Variants in FBRSL1 observed in about 807,000 individuals in gnomAD.
FBRSL1 encodes fibrosin-1-like protein.
Under a neutral mutation model 89.6 loss-of-function variants are expected in FBRSL1, and 51 were observed. The ratio of observed to expected loss-of-function variants is 0.57; its 90% CI spans 0.45 to 0.72. The LOEUF (loss-of-function observed/expected upper bound fraction) is 0.72. Among genes scored for constraint, FBRSL1 ranks in the 30% least tolerant of loss-of-function variants. The probability of loss-of-function intolerance (pLI) is 0.00; values close to 1 mark genes in which losing one functional copy is unlikely to be tolerated. For synonymous variants in FBRSL1, 779 were observed against 681.1 expected, an observed-to-expected ratio of 1.14 and a Z score of -2.24; for missense variants, 1,618 against 1,451.8, an observed-to-expected ratio of 1.11 and a Z score of -1.86.
At chr12:132,577,858 T>A (rs957713349) in intron 15 of FBRSL1, among the ~76,000 whole-genome samples, 1 of 152,232 alleles carries the variant, frequency 6.6e-6, no homozygotes, top group African/African-American at 2.4e-5. Context: ...CACAGACCTT[T>A]CCAAAGATGG....
At chr12:132,548,152 C>T (rs898290151) in intron 5 of FBRSL1, 120 bp downstream of exon 5, 23 of 1,255,612 alleles carry the variant, frequency 1.8e-5, no homozygotes, top group East Asian at 5.1e-5. Context: ...GGGATCCCCC[C>T]GCCCGGTGGG....
In FBRSL1 at chr12:132,499,468, A is replaced by G. The variant is rs1302485468; in HGVS notation, c.291+8607A>G. ...GTGCCAGGCCCTGGGCCGGCCCCCA[A>G]GATACACCCACAGGCCCCATTGCCA... On this transcript the variant is annotated intron_variant, in intron 1 of 18. Coordinates refer to ENST00000680143, the MANE Select transcript of FBRSL1 (RefSeq NM_001367871.1). The surrounding 1 kb of genome is among the most constrained non-coding windows in gnomAD (Gnocchi z 4.3). Among the ~76,000 whole-genome samples, 1 of 152,248 alleles carries G rather than the reference A, an allele frequency of 6.6e-6. No homozygotes were observed. Among genetic ancestry groups the G allele is most frequent in the Non-Finnish European group, 1.5e-5 (1 of 68,042 alleles).
rs555262541 is a variant in FBRSL1 at position 132,575,321 on chromosome 12, G to A, written c.1701+757G>A. Among the ~76,000 whole-genome samples the A allele has an allele frequency of 3.4e-4, 52 of 152,280 alleles. 1 individual carries two copies. In the East Asian group the frequency reaches 9.1e-3, roughly 27 times the overall value. Reference sequence around the variant, plus strand: ...CGGCTCACTGCAAGCTCCGCCTCCCGGGTTCACGCCATTCTCCTACCTCGG... The same window carrying A: ...CGGCTCACTGCAAGCTCCGCCTCCCAGGTTCACGCCATTCTCCTACCTCGG... On this transcript the variant is annotated intron_variant, in intron 14 of 18. Coordinates refer to ENST00000680143, the MANE Select transcript of FBRSL1 (RefSeq NM_001367871.1).
At chr12:132,582,396 C>T (rs1333475524) in intron 18 of FBRSL1, 130 bp downstream of exon 18, 11 of 629,704 alleles carry the variant, frequency 1.7e-5, no homozygotes, top group Non-Finnish European at 3.1e-5. Context: ...CGTTCCCCCT[C>T]CCCCTGTTCC....
chr12:132,498,729 G>T (rs918590262), intron 1 of FBRSL1, among the ~76,000 whole-genome samples: 1 of 152,246 alleles, frequency 6.6e-6, no homozygotes, highest in Non-Finnish European at 1.5e-5. Flanking sequence ...GCTGGGTGGG[G>T]CTGTGCTTGG....
intron 2 of FBRSL1, chr12:132,509,287 C>T (rs868021200): frequency 2.0e-5 from 25 of 1,252,938 alleles, no homozygotes; most frequent in Admixed American, 8.4e-5. Context: ...CTCCCAGCCC[C>T]GTCGGCACTC....
intron 5 of FBRSL1, among the ~76,000 whole-genome samples, chr12:132,557,898 A>G (rs1387013194): frequency 6.6e-6 from 1 of 152,264 alleles, no homozygotes; most frequent in East Asian, 1.9e-4. Flanking sequence ...CTGAGGATGC[A>G]CTGGATCCAT....
intron 2 of FBRSL1, chr12:132,509,412 C>A: frequency 8.0e-7 from 1 of 1,243,170 alleles, no homozygotes. Flanking sequence ...GCGGTCACTT[C>A]TGGGCCCCGG....
At chr12:132,495,545 T>G (rs2031871991) in intron 1 of FBRSL1, among the ~76,000 whole-genome samples, 1 of 152,200 alleles carries the variant, frequency 6.6e-6, no homozygotes, top group Admixed American at 6.5e-5. Flanking sequence ...TCCTTGTGGC[T>G]GCTTCCTGGT....
rs868027443 is a variant in FBRSL1 at position 132,583,440 on chromosome 12, C to T, written c.2671C>T (p.His891Tyr). 7.5e-6 allele frequency: 8 copies of T among 1,071,364 alleles called. No homozygotes were observed. The South Asian group carries it at 2.0e-4, about 27-fold the overall frequency. The allele number at this position is 1,071,364 out of a possible 1,614,324, so 66.4% of individuals were successfully genotyped here. Residue 891 changes from histidine to tyrosine, a missense_variant, in exon 19 of 19, where the codon CAC (histidine) becomes TAC (tyrosine). Coordinates refer to ENST00000680143, the MANE Select transcript of FBRSL1 (RefSeq NM_001367871.1). ...GCGCCCCTACCGCGACCGCGAGCCC[C>T]ACGGCTACAGCCCCGAGCGCCTGCG... Reference protein sequence around the residue: ...PERPYRDREPHGYSPERLRGE... With the variant: ...PERPYRDREPYGYSPERLRGE...
intron 5 of FBRSL1, chr12:132,566,502 C>A (rs1433541886): frequency 2.5e-5 from 2 of 79,756 alleles, no homozygotes; most frequent in African/African-American, 6.2e-5. Flanking sequence ...CCGTGAAGTC[C>A]CCCAGAGCAT....
intron 2 of FBRSL1, chr12:132,511,827 C>T: frequency 1.0e-6 from 1 of 984,240 alleles, no homozygotes; most frequent in Non-Finnish European, 1.2e-6. Context: ...CCTCCGGGCC[C>T]CCTCGCTCCC....
Position 132,578,343 on chromosome 12 carries a change from T to TCTCACACACACACACACACACACA in FBRSL1, c.1834+1413_1834+1414insTCACACACACACACACACACACAC, listed in dbSNP as rs147345475. On this transcript the variant is annotated intron_variant, in intron 15 of 18. Transcript: ENST00000680143. ...CTGGGCAACAGAGCAAGACCCTGTCTCACACACACACACACACACACACAA... is the reference window on the plus strand; with the variant it reads ...CTGGGCAACAGAGCAAGACCCTGTCTCTCACACACACACACACACACACACACACACACACACACACACACACAA... 3.0e-3 allele frequency among the ~76,000 whole-genome samples: 423 copies of TCTCACACACACACACACACACACA among 141,104 alleles called. 1 individual carries two copies. The highest frequency in any genetic ancestry group is 0.011 in the Middle Eastern group (3 of 278). The allele number at this position is 141,104 out of a possible 152,430, so 92.6% of individuals were successfully genotyped here.
chr12:132,511,972 A>G, intron 2 of FBRSL1: 1 of 985,452 alleles, frequency 1.0e-6, no homozygotes, highest in Non-Finnish European at 1.2e-6. Context: ...TTTGTAATTT[A>G]AACAGACGAG....
rs866316170 is a variant in FBRSL1, at chr12:132,502,778, C to T, written c.292-5375C>T. 7.2e-3 allele frequency among the ~76,000 whole-genome samples: 822 copies of T among 113,498 alleles called. 17 individuals carry two copies. Among genetic ancestry groups the T allele is most frequent in the African/African-American group, 0.025 (748 of 29,454 alleles). 74.5% of individuals were successfully genotyped at this position (113,498 alleles called of 152,430 possible). A position where few individuals can be genotyped will look rare whatever the true frequency, so the allele number is the denominator to read the frequency against. The stretch of plus-strand genomic sequence containing the variant: ...GCCCCCTCCTGTCCCCGCCCCCTAC[C>T]GTCCCTGCCCTCTCCTGTCCCCGCC... On this transcript the variant is annotated intron_variant, in intron 1 of 18. Transcript: ENST00000680143.
Position 132,499,024 on chromosome 12 carries a change from G to T in FBRSL1, c.291+8163G>T, listed in dbSNP as rs935462670. Among the ~76,000 whole-genome samples, 1 of 152,206 alleles carries T rather than the reference G, an allele frequency of 6.6e-6. No homozygotes were observed. The highest frequency in any genetic ancestry group is 1.5e-5 in the Non-Finnish European group (1 of 68,038). ...CCCTTCTGCCTGTGTATGTGACCAA[G>T]GGTACCTGCCACCTCTGCTGTCCCC... On this transcript the variant is annotated intron_variant, in intron 1 of 18. Transcript: ENST00000680143. This position sits in a 1 kb window ranked among gnomAD's most constrained non-coding sequence, Gnocchi z 4.3.
At chr12:132,529,518 C>G (rs1452170159) in intron 4 of FBRSL1, among the ~76,000 whole-genome samples, 1 of 152,168 alleles carries the variant, frequency 6.6e-6, no homozygotes, top group Admixed American at 6.5e-5. Flanking sequence ...GTCTAAAGCC[C>G]TGGGCTCAGC....
chr12:132,490,626 G>T lies in FBRSL1; in HGVS notation c.56G>T (p.Arg19Leu). ...TCGCGCGCGCAGCGGGACCGTGGCC[G>T]GCGCCGGGAGGCCGCCCGCGACGCC... ...RRSRAQRDRG[R>L]RREAARDARA... The change falls in exon 1 of 19, where the codon CGG becomes CTG. Residue 19 changes from arginine to leucine, a missense_variant. Arg to Leu is a moderately radical substitution (Grantham distance 102, BLOSUM62 -2). Transcript: ENST00000680143. 1 of 983,316 alleles carries T rather than the reference G, an allele frequency of 1.0e-6. No homozygotes were observed. Among genetic ancestry groups the T allele is most frequent in the South Asian group, 4.5e-5 (1 of 22,146 alleles). The allele number at this position is 983,316 out of a possible 1,614,324, so 60.9% of individuals were successfully genotyped here.
chr12:132,503,860 C>T (rs76962570), intron 1 of FBRSL1, among the ~76,000 whole-genome samples: 19,490 of 152,144 alleles, frequency 0.13, 1,401 homozygotes, highest in Admixed American at 0.21. Context: ...AAGGTGTGAG[C>T]CAACAAGGTT....
Sources: gnomAD v4.1 joint callset for allele counts (sites outside exome capture counted in the v4.1 genomes callset) on GRCh38, gnomAD v4.1.1 for gene constraint, Gnocchi (gnomAD v3.1) non-coding constraint, MANE v1.5 for transcripts, NCBI Gene and HGNC (gene_info 2026-07-23, HGNC 2026-07-21) for gene names.